Variants in KCTD8 observed in about 807,000 individuals in gnomAD.
KCTD8 encodes BTB/POZ domain-containing protein KCTD8.
In KCTD8, 27 loss-of-function variants were observed where a neutral mutation model predicts 31.5. The ratio of observed to expected loss-of-function variants is 0.86; its 90% CI spans 0.63 to 1.18. KCTD8 has a LOEUF of 1.18. KCTD8 is among the 50% of genes most tolerant of loss of function. The pLI, the probability that KCTD8 is intolerant of heterozygous loss-of-function variation, is 0.00. For missense variants in KCTD8, 658 were observed against 647.7 expected (o/e 1.02, Z -0.17); for synonymous variants, 290 against 280.0 (o/e 1.04, Z -0.36).
intron 1 of KCTD8, among the ~76,000 whole-genome samples, chr4:44,399,583 G>T (rs1681650489): frequency 6.6e-6 from 1 of 152,136 alleles, no homozygotes; most frequent in African/African-American, 2.4e-5. Flanking sequence ...AGCTAGGACA[G>T]TTCCCAAATC....
intron 1 of KCTD8, among the ~76,000 whole-genome samples, chr4:44,231,177 A>G (rs1002763310): frequency 1.3e-5 from 2 of 152,160 alleles, no homozygotes; most frequent in African/African-American, 4.8e-5. Context: ...TCCAGCTGCC[A>G]TATGACTTGT....
Position 44,174,753 on chromosome 4 carries a change from T to C in KCTD8, c.*37A>G. ...CAGGTGGTGACACTGTAGTAAACAT[T>C]GAATGTCATCAAAATACTGCAGGAA... is the stretch of plus-strand genomic sequence containing the variant. On this transcript the variant is annotated 3_prime_UTR_variant, in exon 2 of 2. Transcript: ENST00000360029. The C allele has an allele frequency of 6.7e-7, 1 of 1,481,586 alleles. No individual in the cohort carries two copies. The highest frequency in any genetic ancestry group is 9.2e-7 in the Non-Finnish European group (1 of 1,084,230). The allele number at this position is 1,481,586 out of a possible 1,614,324, so 91.8% of individuals were successfully genotyped here. A position where few individuals can be genotyped will look rare whatever the true frequency, so the allele number is the denominator to read the frequency against.
At chr4:44,244,363 C>T (rs1254492039) in intron 1 of KCTD8, among the ~76,000 whole-genome samples, 1 of 152,078 alleles carries the variant, frequency 6.6e-6, no homozygotes. Context: ...AAGTATGGTG[C>T]TTTGCCATGC....
intron 1 of KCTD8, among the ~76,000 whole-genome samples, chr4:44,246,401 G>T (rs1368937333): frequency 6.6e-6 from 1 of 151,928 alleles, no homozygotes; most frequent in East Asian, 1.9e-4. Context: ...TTTATGTACG[G>T]TTTTTAACCC....
intron 1 of KCTD8, among the ~76,000 whole-genome samples, chr4:44,231,444 C>T (rs1385005672): frequency 1.3e-5 from 2 of 152,136 alleles, no homozygotes; most frequent in Admixed American, 1.3e-4. Flanking sequence ...TGACATTTAA[C>T]AATACTGACT....
chr4:44,263,514 T>A lies in KCTD8; in HGVS notation c.962-88264A>T, dbSNP rs576042192. Among the ~76,000 whole-genome samples the A allele has an allele frequency of 3.9e-5, 6 of 152,266 alleles. No individual in the cohort carries two copies. The South Asian group carries it at 1.2e-3, about 32-fold the overall frequency. ...TGCATTTGTATTGTCTACAGATGGA[T>A]TATTATACAATTTAGTATTTTGTTT... On this transcript the variant is annotated intron_variant, in intron 1 of 1. Coordinates refer to ENST00000360029, the MANE Select transcript of KCTD8 (RefSeq NM_198353.3).
At chr4:44,367,089 C>T (rs1021288980) in intron 1 of KCTD8, among the ~76,000 whole-genome samples, 2 of 152,138 alleles carry the variant, frequency 1.3e-5, no homozygotes, top group Admixed American at 6.6e-5. Context: ...TGCTGGGCTC[C>T]CTCCTGCTAC....
intron 1 of KCTD8, among the ~76,000 whole-genome samples, chr4:44,374,740 A>G (rs527938781): frequency 6.6e-6 from 1 of 152,310 alleles, no homozygotes; most frequent in Non-Finnish European, 1.5e-5. Context: ...GTCAGAACAC[A>G]TATAACATTA....
chr4:44,349,068 A>G (rs1184999079), intron 1 of KCTD8, among the ~76,000 whole-genome samples: 1 of 93,976 alleles, frequency 1.1e-5, no homozygotes, highest in African/African-American at 3.5e-5. Flanking sequence ...CATCGCTGCC[A>G]CCGCCACCAC....
intron 1 of KCTD8, among the ~76,000 whole-genome samples, chr4:44,443,587 T>C (rs886715912): frequency 6.6e-6 from 1 of 152,070 alleles, no homozygotes; most frequent in African/African-American, 2.4e-5. Flanking sequence ...GGCATTTTCA[T>C]GTATCAAACA....
intron 1 of KCTD8, among the ~76,000 whole-genome samples, chr4:44,216,828 T>C (rs1053398900): frequency 2.0e-5 from 3 of 152,192 alleles, no homozygotes; most frequent in Admixed American, 2.0e-4. Flanking sequence ...TATGCATTCA[T>C]GAGTGCGCAT....
At chr4:44,204,482 C>G (rs545765541) in intron 1 of KCTD8, among the ~76,000 whole-genome samples, 1 of 152,218 alleles carries the variant, frequency 6.6e-6, no homozygotes, top group Non-Finnish European at 1.5e-5. Context: ...ATTACTGGTG[C>G]ATGCAGCCCC....
Position 44,377,865 on chromosome 4 carries a change from G to A in KCTD8, c.961+69698C>T, listed in dbSNP as rs192766818. On this transcript the variant is annotated intron_variant, in intron 1 of 1. Transcript: ENST00000360029. ...TCTTCTTTCCCTTCCCCACTCTTGTGAAGCTTTTCTTGAGCCCAAGCATTA... is the reference window on the plus strand; with the variant it reads ...TCTTCTTTCCCTTCCCCACTCTTGTAAAGCTTTTCTTGAGCCCAAGCATTA... 3.1e-3 allele frequency among the ~76,000 whole-genome samples: 478 copies of A among 152,176 alleles called. 1 individual carries two copies. The highest frequency in any genetic ancestry group is 4.5e-3 in the Non-Finnish European group (309 of 68,010).
intron 1 of KCTD8, among the ~76,000 whole-genome samples, chr4:44,233,460 G>A (rs1166030416): frequency 6.6e-6 from 1 of 152,118 alleles, no homozygotes; most frequent in African/African-American, 2.4e-5. Flanking sequence ...CATGGGGTTT[G>A]TTTACCACGT....
chr4:44,390,317 G>C (rs560108562), intron 1 of KCTD8, among the ~76,000 whole-genome samples: 37 of 151,856 alleles, frequency 2.4e-4, no homozygotes, highest in Non-Finnish European at 5.3e-4. Flanking sequence ...TTTTTATAAG[G>C]TGAGAGATGA....
chr4:44,422,516 T>C (rs1721239855), intron 1 of KCTD8, among the ~76,000 whole-genome samples: 2 of 151,990 alleles, frequency 1.3e-5, no homozygotes, highest in African/African-American at 4.8e-5. Flanking sequence ...ACATCTGGAG[T>C]AGAGCTAATA....
At chr4:44,248,257 T>C (rs998528002) in intron 1 of KCTD8, among the ~76,000 whole-genome samples, 4 of 151,844 alleles carry the variant, frequency 2.6e-5, no homozygotes, top group African/African-American at 9.7e-5. Context: ...ATTTAGGAAA[T>C]ACCCATACTA....
rs577945353 is a variant in KCTD8, at chr4:44,447,960, C to G, written c.564G>C (p.Ser188=). Residue 188 remains serine (S), a synonymous_variant, in exon 1 of 2, where the codon TCG becomes TCC. Transcript: ENST00000360029. ...CGCCACCACCGTGCGCTCCCGGGCC[C>G]GAGGGCACGGCGGCCGCCGCCCCGC... The part of the protein sequence containing the change: ...LLRGAAAAVP[S]GPGAHGGGGG... 182 of 1,526,464 alleles carry G rather than the reference C, an allele frequency of 1.2e-4. 1 individual carries two copies. In the African/African-American group the frequency reaches 1.7e-3, roughly 14 times the overall value. The allele number at this position is 1,526,464 out of a possible 1,614,324, so 94.6% of individuals were successfully genotyped here.
intron 1 of KCTD8, among the ~76,000 whole-genome samples, chr4:44,419,985 G>A (rs1721174063): frequency 6.6e-6 from 1 of 151,954 alleles, no homozygotes; most frequent in Non-Finnish European, 1.5e-5. Context: ...ATAAAAATGA[G>A]GAAGGAATGA....
Sources: allele counts gnomAD v4.1 joint callset (sites outside exome capture counted in the v4.1 genomes callset), GRCh38; gene constraint gnomAD v4.1.1; transcripts MANE v1.5; gene names NCBI Gene and HGNC (gene_info 2026-07-23, HGNC 2026-07-21).